The following GTF3C2 variants were observed in gnomAD, a reference collection of about 807,000 sequenced individuals.
GTF3C2 encodes general transcription factor IIIC subunit 2, also known as general transcription factor 3C polypeptide 2.
A neutral mutation model predicts 117.4 loss-of-function variants in GTF3C2; 17 were observed. The observed-to-expected ratio is 0.14, with a 90% CI of 0.10 to 0.22. GTF3C2 has a LOEUF of 0.22. GTF3C2 is among the 10% of genes least tolerant of loss of function. The pLI is 1.00. For synonymous variants in GTF3C2, 437 were observed against 427.0 expected, an observed-to-expected ratio of 1.02 and a Z score of -0.29; for missense variants, 888 against 1,143.6, an observed-to-expected ratio of 0.78 and a Z score of 3.22.
At chr2:27,328,640 G>C in intron 15 of GTF3C2, 44 bp from the exon 16 acceptor site, 1 of 1,546,736 alleles carries the variant, frequency 6.5e-7, no homozygotes, top group Non-Finnish European at 8.9e-7. Flanking sequence ...TATTCATTCA[G>C]AGCTATGAAC....
Position 27,343,164 on chromosome 2 carries a change from G to A in GTF3C2, c.248-17C>T. On this transcript the variant is annotated splice_polypyrimidine_tract_variant and intron_variant, in intron 2 of 18. Transcript: ENST00000264720. ...AAGAAAGATCTGTGGAGAAGAATAT[G>A]GGTCTGTGAGATGGGACCAGAACTC... The A allele has an allele frequency of 1.3e-6, 2 of 1,542,382 alleles. No individual in the cohort carries two copies. The highest frequency in any genetic ancestry group is 1.8e-4 in the Middle Eastern group (1 of 5,714).
intron 1 of GTF3C2, among the ~76,000 whole-genome samples, chr2:27,349,469 A>G (rs1360458395): frequency 6.6e-6 from 1 of 152,092 alleles, no homozygotes; most frequent in Admixed American, 6.6e-5. Flanking sequence ...TAAAAGACAA[A>G]TAACTATATG....
At chr2:27,328,727 G>T in intron 15 of GTF3C2, 117 bp downstream of exon 15, 1 of 1,048,448 alleles carries the variant, frequency 9.5e-7, no homozygotes, top group Non-Finnish European at 1.5e-6. Context: ...CCTGATGATA[G>T]AGTTACAACA....
chr2:27,354,336 T>C (rs997241057), intron 1 of GTF3C2, among the ~76,000 whole-genome samples: 2 of 152,044 alleles, frequency 1.3e-5, no homozygotes, highest in African/African-American at 4.8e-5. Flanking sequence ...ACTCAACTAG[T>C]GGAAGCAGAC....
chr2:27,353,116 C>T (rs1681193013), intron 1 of GTF3C2, among the ~76,000 whole-genome samples: 1 of 152,174 alleles, frequency 6.6e-6, no homozygotes, highest in South Asian at 2.1e-4. Context: ...AACAAAAGGC[C>T]GGGCGCTGTG....
At position 27,329,455 on chromosome 2, in the gene GTF3C2, A is replaced by C. The variant is rs755761840; in HGVS notation, c.1801T>G (p.Leu601Val). The C allele has an allele frequency of 5.6e-6, 9 of 1,614,148 alleles. No homozygotes were observed. The East Asian group carries it at 2.0e-4, about 36-fold the overall frequency. ...AAACACTGGAAGGGGTAGAGCTTTA[A>C]GGAGCCATCAGAGAGCCGTATCCGC... is the stretch of plus-strand genomic sequence containing the variant. The change falls in exon 13 of 19, where the codon TTA becomes GTA. Residue 601 changes from leucine to valine, a missense_variant. Around this residue, in one of 7 missense-constraint regions of GTF3C2, gnomAD observed 277 missense variants for 445.4 expected, o/e 0.62. Transcript: ENST00000264720. The surrounding 1 kb of genome is among the most constrained non-coding windows in gnomAD (Gnocchi z 4.5).
Position 27,342,055 on chromosome 2 carries a change from G to GA in GTF3C2, c.747dup (p.Leu250SerfsTer4). On this transcript the variant is annotated frameshift_variant, in exon 4 of 19. Transcript: ENST00000264720. LOFTEE classifies it high-confidence loss of function. ...TCCACATCTTCAGCCTCAACCTGGA[G>GA]AAAAAAGTCTTCATCCCGTGGAGCA... The GA allele has an allele frequency of 1.9e-6, 3 of 1,614,050 alleles. No individual in the cohort carries two copies. The highest frequency in any genetic ancestry group is 2.2e-5 in the East Asian group (1 of 44,880).
Position 27,342,760 on chromosome 2 carries a change from A to AT in GTF3C2, c.569+65_569+66insA, listed in dbSNP as rs1680779631. Reference sequence around the variant, plus strand: ...ATACCTCATCAGTCTTCTCTCTCCAACATCTGCCCCACCCTGATCCCTTCA... The same window carrying AT: ...ATACCTCATCAGTCTTCTCTCTCCAATCATCTGCCCCACCCTGATCCCTTCA... On this transcript the variant is annotated intron_variant, in intron 3 of 18. Transcript: ENST00000264720. The AT allele has an allele frequency of 4.9e-6, 6 of 1,217,206 alleles. No homozygotes were observed. In the South Asian group the frequency reaches 8.2e-5, roughly 17 times the overall value. 75.4% of individuals were successfully genotyped at this position (1,217,206 alleles called of 1,614,324 possible). A position where few individuals can be genotyped will look rare whatever the true frequency, so the allele number is the denominator to read the frequency against.
intron 4 of GTF3C2, among the ~76,000 whole-genome samples, chr2:27,338,974 C>T (rs1040652716): frequency 2.6e-5 from 4 of 152,150 alleles, no homozygotes. Flanking sequence ...AGCTTGACTA[C>T]CATCTTTATG....
At position 27,329,444 on chromosome 2, in the gene GTF3C2, G is replaced by A. The variant is rs190251496; in HGVS notation, c.1812C>T (p.Tyr604=). ...CATGGGCTAGGAAACACTGGAAGGG[G>A]TAGAGCTTTAAGGAGCCATCAGAGA... Residue 604 remains tyrosine (Y), a synonymous_variant, in exon 13 of 19, where the codon TAC becomes TAT. Coordinates refer to ENST00000264720, the Ensembl canonical transcript of GTF3C2. This position sits in a 1 kb window ranked among gnomAD's most constrained non-coding sequence, Gnocchi z 4.5. 5.0e-6 allele frequency: 8 copies of A among 1,614,108 alleles called. No homozygotes were observed. In the East Asian group the frequency reaches 1.6e-4, roughly 31 times the overall value.
At chr2:27,339,152 T>TA (rs1275264939) in intron 4 of GTF3C2, among the ~76,000 whole-genome samples, 1 of 152,062 alleles carries the variant, frequency 6.6e-6, no homozygotes, top group Non-Finnish European at 1.5e-5. Flanking sequence ...CTCATGCCTG[T>TA]AATCCCAGCA....
chr2:27,326,479 C>A, exon 19 of GTF3C2: 5 of 602,408 alleles, frequency 8.3e-6, no homozygotes, highest in Non-Finnish European at 1.5e-5. Context: ...GAGGGAGAGC[C>A]CCCCTGCCCG....
At chr2:27,345,233 G>A (rs953003872) in intron 1 of GTF3C2, among the ~76,000 whole-genome samples, 1 of 151,574 alleles carries the variant, frequency 6.6e-6, no homozygotes, top group Non-Finnish European at 1.5e-5. Flanking sequence ...TCACACCACT[G>A]CACTCCAGCC....
rs979069144 is a variant in GTF3C2 at position 27,356,518 on chromosome 2, G to A, written c.-25+221C>T. 2.6e-5 allele frequency: 6 copies of A among 229,584 alleles called. No individual in the cohort carries two copies. The Admixed American group carries it at 2.8e-4, about 11-fold the overall frequency. The allele number at this position is 229,584 out of a possible 1,614,324, so 14.2% of individuals were successfully genotyped here. A position where few individuals can be genotyped will look rare whatever the true frequency, so the allele number is the denominator to read the frequency against. On this transcript the variant is annotated intron_variant, in intron 1 of 18. Coordinates refer to ENST00000264720, the Ensembl canonical transcript of GTF3C2. Reference sequence around the variant, plus strand: ...GACACCGCGTGGGGGAGGAGGGCAAGACCCGAGGCTTGCAGAGATGGGGGG... The same window carrying A: ...GACACCGCGTGGGGGAGGAGGGCAAAACCCGAGGCTTGCAGAGATGGGGGG...
intron 17 of GTF3C2, 95 bp downstream of exon 17, chr2:27,327,942 A>C: frequency 9.5e-7 from 1 of 1,048,752 alleles, no homozygotes; most frequent in Non-Finnish European, 1.4e-6. Context: ...CCTTAGTTTT[A>C]CATCTTTGTG....
intron 3 of GTF3C2, 22 bp downstream of exon 3, chr2:27,342,804 A>G: frequency 6.3e-7 from 1 of 1,591,802 alleles, no homozygotes; most frequent in Non-Finnish European, 8.6e-7. Context: ...CCCTCCACCA[A>G]GCTATGCCCC....
rs138970678 is a variant in GTF3C2, at chr2:27,343,142, A to G, written c.253T>C (p.Ser85Pro). The change falls in exon 3 of 19, where the codon TCT (serine) becomes CCT (proline). Residue 85 changes from serine to proline, a missense_variant. Around this residue, in one of 7 missense-constraint regions of GTF3C2, gnomAD observed 393 missense variants for 401.5 expected, o/e 0.98. Transcript: ENST00000264720. ...TTTGAGACCTTTGACATCTCTGAAG[A>G]AAGATCTGTGGAGAAGAATATGGGT... The G allele has an allele frequency of 2.2e-5, 35 of 1,569,924 alleles. No homozygotes were observed. The highest frequency in any genetic ancestry group is 2.8e-5 in the Non-Finnish European group (33 of 1,160,018).
intron 1 of GTF3C2, among the ~76,000 whole-genome samples, chr2:27,348,712 G>A (rs987275490): frequency 2.0e-5 from 3 of 152,136 alleles, no homozygotes; most frequent in Non-Finnish European, 4.4e-5. Context: ...ACTGAGGCAC[G>A]AGAATCACTT....
At chr2:27,342,793 C>T (rs1238161278) in intron 3 of GTF3C2, 33 bp downstream of exon 3, 5 of 1,541,706 alleles carry the variant, frequency 3.2e-6, no homozygotes. Flanking sequence ...TCACCCAACC[C>T]CCCTCCACCA....
Sources: gnomAD v4.1 joint callset for allele counts (sites outside exome capture counted in the v4.1 genomes callset) on GRCh38, gnomAD v4.1.1 for gene constraint, gnomAD v4.1.1 regional missense constraint, Gnocchi (gnomAD v3.1) non-coding constraint, MANE v1.5 for transcripts, NCBI Gene and HGNC (gene_info 2026-07-23, HGNC 2026-07-21) for gene names.